The following GSK3B variants were observed in gnomAD, a reference collection of about 807,000 sequenced individuals.
The protein encoded by GSK3B is glycogen synthase kinase-3 beta.
In GSK3B, 15 loss-of-function variants were observed where a neutral mutation model predicts 56.4. That is an observed-to-expected ratio of 0.27 (90% confidence interval 0.18 to 0.41). The LOEUF (loss-of-function observed/expected upper bound fraction) is 0.41. Ranked by LOEUF, GSK3B falls within the 10% of genes least tolerant of loss-of-function variation. The probability of loss-of-function intolerance (pLI) is 1.00; values close to 1 mark genes in which losing one functional copy is unlikely to be tolerated. For synonymous variants in GSK3B, 181 were observed against 188.9 expected, an observed-to-expected ratio of 0.96 and a Z score of 0.34; for missense variants, 300 against 513.4, an observed-to-expected ratio of 0.58 and a Z score of 4.02.
At position 119,871,691 on chromosome 3, in the gene GSK3B, G is replaced by C. The variant is rs1480567613; in HGVS notation, c.909+4722C>G. Among the ~76,000 whole-genome samples, 4 of 152,130 alleles carry C rather than the reference G, an allele frequency of 2.6e-5. No homozygotes were observed. The East Asian group carries it at 7.7e-4, about 29-fold the overall frequency. ...CTAAGACAGTGGAAGGGGGAGTAGA[G>C]AGAGGGAAGGGAGACACTAGCAAGA... On this transcript the variant is annotated intron_variant, in intron 8 of 10. Coordinates refer to ENST00000264235, the MANE Select transcript of GSK3B (RefSeq NM_001146156.2).
intron 7 of GSK3B, among the ~76,000 whole-genome samples, chr3:119,900,319 T>C (rs1219689628): frequency 2.0e-5 from 3 of 152,096 alleles, no homozygotes; most frequent in African/African-American, 4.8e-5. Flanking sequence ...TCAAAAGCAA[T>C]AGTCAAATTA....
intron 7 of GSK3B, among the ~76,000 whole-genome samples, chr3:119,878,748 A>C (rs1435933389): frequency 2.0e-5 from 3 of 152,222 alleles, no homozygotes; most frequent in Admixed American, 2.0e-4. Context: ...ATAGCCATAC[A>C]GTAAAACATT....
Position 119,876,455 on chromosome 3 carries a change from T to C in GSK3B, c.867A>G (p.Thr289=), listed in dbSNP as rs747930041. 29 of 1,610,878 alleles carry C rather than the reference T, an allele frequency of 1.8e-5. No individual in the cohort carries two copies. Among genetic ancestry groups the C allele is most frequent in the Non-Finnish European group, 2.5e-5 (29 of 1,177,272 alleles). ...CCTTAATTTGAGGGAATTTAAATTC[T>C]GTGTAGTTTGGGTTCATTTCTCTGA... The part of the protein sequence containing the change: ...EQIREMNPNY[T]EFKFPQIKAH... The change falls in exon 8 of 11, where the codon ACA becomes ACG. Residue 289 remains threonine, a synonymous_variant. Coordinates refer to ENST00000264235, the MANE Select transcript of GSK3B (RefSeq NM_001146156.2).
At chr3:120,001,074 G>C (rs578045111) in intron 2 of GSK3B, among the ~76,000 whole-genome samples, 2 of 151,614 alleles carry the variant, frequency 1.3e-5, no homozygotes, top group Non-Finnish European at 2.9e-5. Flanking sequence ...ACAAGCGCCC[G>C]CCACCATACC....
rs547650596 is a variant in GSK3B at position 119,825,171 on chromosome 3, C to T, written c.*1617G>A. The T allele has an allele frequency of 1.1e-4, 24 of 220,368 alleles. 1 individual carries two copies. The South Asian group carries it at 3.7e-3, about 34-fold the overall frequency. 13.7% of individuals were successfully genotyped at this position (220,368 alleles called of 1,614,324 possible). ...TACAACTGATTGTGCCTTAAAGATT[C>T]ATAGGTCAAGTAATGGCCCATAAGC... On this transcript the variant is annotated 3_prime_UTR_variant, in exon 11 of 11. Transcript: ENST00000264235.
At position 119,916,101 on chromosome 3, in the gene GSK3B, G is replaced by A. The variant is rs1334056340; in HGVS notation, c.551C>T (p.Pro184Leu). 7 of 1,612,944 alleles carry A rather than the reference G, an allele frequency of 4.3e-6. No individual in the cohort carries two copies. Among genetic ancestry groups the A allele is most frequent in the Admixed American group, 1.7e-5 (1 of 59,964 alleles). The change falls in exon 5 of 11, where the codon CCG (proline) becomes CTG (leucine). Residue 184 changes from proline to leucine, a missense_variant. Pro to Leu is a moderately conservative substitution (Grantham distance 98). Around this residue, in one of 6 missense-constraint regions of GSK3B, gnomAD observed 39 missense variants for 154.6 expected, o/e 0.25. Transcript: ENST00000264235. The stretch of plus-strand genomic sequence containing the variant: ...ATCAGGATCCAACAAGAGGTTCTGC[G>A]GTTTAATATCCCGATGGCAGATTCC... ...SFGICHRDIK[P>L]QNLLLDPDTA...
chr3:119,851,061 T>C (rs1481169980), intron 9 of GSK3B, among the ~76,000 whole-genome samples: 1 of 152,216 alleles, frequency 6.6e-6, no homozygotes, highest in Non-Finnish European at 1.5e-5. Flanking sequence ...ATGAAAACTA[T>C]TCATTAAAAA....
At chr3:120,014,203 G>T (rs1214604200) in intron 1 of GSK3B, among the ~76,000 whole-genome samples, 1 of 151,480 alleles carries the variant, frequency 6.6e-6, no homozygotes, top group East Asian at 1.9e-4. Flanking sequence ...AGACACAGTG[G>T]CTCACATCTG....
At chr3:119,939,744 C>G (rs774201349) in intron 3 of GSK3B, among the ~76,000 whole-genome samples, 18 of 152,088 alleles carry the variant, frequency 1.2e-4, no homozygotes, top group Non-Finnish European at 2.5e-4. Flanking sequence ...TCTAGCATAA[C>G]ATCCAGGTTT....
At position 119,826,706 on chromosome 3, in the gene GSK3B, T is replaced by G. The variant is rs2055514649; in HGVS notation, c.*82A>C. The G allele has an allele frequency of 2.3e-6, 2 of 877,196 alleles. No individual in the cohort carries two copies. Among genetic ancestry groups the G allele is most frequent in the South Asian group, 1.3e-5 (1 of 75,750 alleles). 54.3% of individuals were successfully genotyped at this position (877,196 alleles called of 1,614,324 possible). ...CAGGATTTTTTTCTCTTTTTAATAT[T>G]CTTTCCAAACGTGACCAGTGTTGCT... is the stretch of plus-strand genomic sequence containing the variant. On this transcript the variant is annotated 3_prime_UTR_variant, in exon 11 of 11. Coordinates refer to ENST00000264235, the MANE Select transcript of GSK3B (RefSeq NM_001146156.2).
intron 2 of GSK3B, among the ~76,000 whole-genome samples, chr3:119,987,829 T>C (rs1298315184): frequency 6.6e-6 from 1 of 152,154 alleles, no homozygotes; most frequent in African/African-American, 2.4e-5. Context: ...TATAAAACGG[T>C]ATTTGGCTTT....
chr3:120,043,294 C>T (rs548975316), intron 1 of GSK3B, among the ~76,000 whole-genome samples: 9 of 152,258 alleles, frequency 5.9e-5, no homozygotes, highest in African/African-American at 1.9e-4. Context: ...AGAAAAAAAC[C>T]TCTCAAACTA....
intron 6 of GSK3B, among the ~76,000 whole-genome samples, chr3:119,906,165 T>A (rs149138657): frequency 6.6e-6 from 1 of 152,232 alleles, no homozygotes; most frequent in East Asian, 1.9e-4. Context: ...GGCAGGACTA[T>A]CTATTTATCT....
chr3:120,037,174 C>T (rs2058030226), intron 1 of GSK3B, among the ~76,000 whole-genome samples: 1 of 152,208 alleles, frequency 6.6e-6, no homozygotes, highest in South Asian at 2.1e-4. Context: ...TGCTATTTTA[C>T]TCAAGGTATT....
intron 2 of GSK3B, among the ~76,000 whole-genome samples, chr3:119,961,308 T>C (rs2107505838): frequency 6.6e-6 from 1 of 152,278 alleles, no homozygotes; most frequent in South Asian, 2.1e-4. Flanking sequence ...ACTAATCTCT[T>C]CCTCATTGTT....
chr3:119,967,715 CTTCTT>C (rs1378753155), intron 2 of GSK3B, among the ~76,000 whole-genome samples: 1 of 152,020 alleles, frequency 6.6e-6, no homozygotes, highest in Non-Finnish European at 1.5e-5. Flanking sequence ...AGCTGTACCA[CTTCTT>C]TTCTTTTCCT....
chr3:119,898,138 G>C (rs1051561931), intron 7 of GSK3B, among the ~76,000 whole-genome samples: 11 of 152,228 alleles, frequency 7.2e-5, no homozygotes, highest in Admixed American at 5.9e-4. Flanking sequence ...GCCTACAGTT[G>C]GGCAAAATAA....
Position 119,905,848 on chromosome 3 carries a change from T to C in GSK3B, c.720A>G (p.Val240=), listed in dbSNP as rs1412257576. 3.2e-6 allele frequency: 5 copies of C among 1,572,338 alleles called. No individual in the cohort carries two copies. Among genetic ancestry groups the C allele is most frequent in the Admixed American group, 1.7e-5 (1 of 59,936 alleles). The part of the protein sequence containing the change: ...GATDYTSSID[V]WSAGCVLAEL... Reference sequence around the variant, plus strand: ...CAGCCAACACACAGCCAGCAGACCATACATCTAAAGAGAAAAGAAAACGAA... The same window carrying C: ...CAGCCAACACACAGCCAGCAGACCACACATCTAAAGAGAAAAGAAAACGAA... The change falls in exon 7 of 11, where the codon GTA becomes GTG. Residue 240 remains valine, a synonymous_variant. Coordinates refer to ENST00000264235, the MANE Select transcript of GSK3B (RefSeq NM_001146156.2).
At chr3:119,914,230 T>C (rs759181632) in intron 5 of GSK3B, among the ~76,000 whole-genome samples, 1 of 152,028 alleles carries the variant, frequency 6.6e-6, no homozygotes, top group Non-Finnish European at 1.5e-5. Flanking sequence ...AAGAAAGTAA[T>C]AGTATTTTGT....
Sources: gnomAD v4.1 joint callset for allele counts (sites outside exome capture counted in the v4.1 genomes callset) on GRCh38, gnomAD v4.1.1 for gene constraint, gnomAD v4.1.1 regional missense constraint, MANE v1.5 for transcripts, NCBI Gene and HGNC (gene_info 2026-07-23, HGNC 2026-07-21) for gene names.